Variants in PZP observed in about 807,000 individuals in gnomAD.
The protein encoded by PZP is PZP alpha-2-macroglobulin like.
In PZP, 150 loss-of-function variants were observed where a neutral mutation model predicts 179.8. That is an observed-to-expected ratio of 0.83 (90% CI 0.73 to 0.96). PZP has a LOEUF of 0.96. PZP is among the 40% of genes least tolerant of loss of function. The pLI is 0.00. For missense variants in PZP, 1,689 were observed against 1,764.0 expected (o/e 0.96, Z 0.76); for synonymous variants, 624 against 652.3 (o/e 0.96, Z 0.66).
At chr12:9,158,388 T>A in intron 26 of PZP, 32 bp downstream of exon 26, 1 of 1,612,088 alleles carries the variant, frequency 6.2e-7, no homozygotes, top group South Asian at 1.1e-5. Flanking sequence ...TGTTGATGTG[T>A]GTCAGGCTCA....
At chr12:9,176,288 G>A (rs143738118) in intron 15 of PZP, among the ~76,000 whole-genome samples, 123 of 152,162 alleles carry the variant, frequency 8.1e-4, no homozygotes, top group Middle Eastern at 6.8e-3. Context: ...CACTCACTCC[G>A]GCCTATTAGA....
chr12:9,191,990 T>C (rs1428668489), intron 13 of PZP, among the ~76,000 whole-genome samples: 1 of 152,150 alleles, frequency 6.6e-6, no homozygotes, highest in Non-Finnish European at 1.5e-5. Flanking sequence ...CTTAGCAGAG[T>C]GACTGATACA....
chr12:9,157,964 TC>T (rs1168906023), intron 26 of PZP, 123 bp from the exon 27 acceptor site: 5 of 848,806 alleles, frequency 5.9e-6, no homozygotes, highest in Admixed American at 2.1e-5. Context: ...TCCTTCTCTC[TC>T]TCTCTCTCGA....
intron 15 of PZP, among the ~76,000 whole-genome samples, chr12:9,173,707 T>G (rs1426235080): frequency 2.0e-5 from 3 of 152,050 alleles, no homozygotes; most frequent in Non-Finnish European, 4.4e-5. Context: ...CACCTCTGTC[T>G]ATATAAGCTA....
At chr12:9,157,468 A>T (rs1940847799) in intron 27 of PZP, 113 bp from the exon 28 acceptor site, 1 of 977,486 alleles carries the variant, frequency 1.0e-6, no homozygotes, top group African/African-American at 1.6e-5. Flanking sequence ...AGATAGGCAG[A>T]CAGCTAGATA....
Position 9,152,254 on chromosome 12 carries a change from G to T in PZP, c.4178C>A (p.Ser1393Tyr). 6.2e-7 allele frequency: 1 copy of T among 1,612,932 alleles called. No individual in the cohort carries two copies. ...TGTTGGTTTCAGGGGAATAAAACCA[G>T]ATACCATCTTTACATCAACAATCAC... ...NMVIVDVKMV[S>Y]GFIPLKPTVK... The change falls in exon 32 of 36, where the codon TCT (serine) becomes TAT (tyrosine). Residue 1393 changes from serine to tyrosine, a missense_variant. Physicochemically the swap from Ser to Tyr is moderately radical, Grantham distance 144 (BLOSUM62 -2). Around this residue, in one of 3 missense-constraint regions of PZP, gnomAD observed 746 missense variants for 749.2 expected, o/e 1.00. Transcript: ENST00000261336.
In PZP at chr12:9,202,775, A is replaced by G. The variant is rs1944240528; in HGVS notation, c.268-91T>C. 4.9e-6 allele frequency: 6 copies of G among 1,234,334 alleles called. No homozygotes were observed. The African/African-American group carries it at 9.1e-5, about 19-fold the overall frequency. 76.5% of individuals were successfully genotyped at this position (1,234,334 alleles called of 1,614,324 possible). A position where few individuals can be genotyped will look rare whatever the true frequency, so the allele number is the denominator to read the frequency against. ...CATTGCTATTTCCTATCTCTCCTTC[A>G]GCTTCACCAAGGAGAAGGAAGGTGT... is the stretch of plus-strand genomic sequence containing the variant. On this transcript the variant is annotated intron_variant, in intron 2 of 35. Coordinates refer to ENST00000261336, the MANE Select transcript of PZP (RefSeq NM_002864.3).
downstream of PZP, among the ~76,000 whole-genome samples, chr12:9,147,100 G>A (rs1940049929): frequency 6.6e-6 from 1 of 152,086 alleles, no homozygotes; most frequent in Admixed American, 6.5e-5. Flanking sequence ...CAGTTGTTTG[G>A]GTATCTACAG....
At chr12:9,140,270 G>A in the PZP span, among the ~76,000 whole-genome samples, 1 of 152,180 alleles carries the variant, frequency 6.6e-6, no homozygotes, top group Non-Finnish European at 1.5e-5. Context: ...TAGTAGGGGG[G>A]GGCCCAGGAA....
intron 5 of PZP, 130 bp downstream of exon 5, chr12:9,201,197 T>A (rs1565668548): frequency 2.2e-6 from 3 of 1,356,214 alleles, no homozygotes; most frequent in East Asian, 2.3e-5. Flanking sequence ...ACAATCAACC[T>A]GACAACTGGG....
At chr12:9,150,344 G>A (rs10842970) in intron 34 of PZP, among the ~76,000 whole-genome samples, 38,513 of 152,002 alleles carry the variant, frequency 0.25, 5,590 homozygotes, top group Admixed American at 0.33. Context: ...GTGCAATGGC[G>A]TGATCTCAGC....
rs759840184 is a variant in PZP, at chr12:9,203,866, C to T, written c.169G>A (p.Val57Met). Residue 57 changes from valine (V) to methionine (M), a missense_variant, in exon 2 of 36, where the codon GTG becomes ATG. Physicochemically the swap from Val to Met is conservative, Grantham distance 21. This residue lies in a region of PZP where 742 missense variants were observed against 730.5 expected (regional missense o/e 1.02). Transcript: ENST00000261336. ...CVLLSHLNET[V>M]TVSASLESGR... ...GACTCCAAGGAAGCACTTACAGTCACTGTCTCATTCAGGTGGCTCAGAAGG... is the reference window on the plus strand; with the variant it reads ...GACTCCAAGGAAGCACTTACAGTCATTGTCTCATTCAGGTGGCTCAGAAGG... The T allele has an allele frequency of 1.2e-6, 2 of 1,614,144 alleles. No individual in the cohort carries two copies. The highest frequency in any genetic ancestry group is 1.7e-6 in the Non-Finnish European group (2 of 1,180,016).
Position 9,166,708 on chromosome 12 carries a change from G to A in PZP, c.2108-506C>T, listed in dbSNP as rs1941610294. On this transcript the variant is annotated intron_variant, in intron 17 of 35. Coordinates refer to ENST00000261336, the MANE Select transcript of PZP (RefSeq NM_002864.3). ...ACTTTGCAAAACTGTTGTTCTCTGG[G>A]AAATAAGATTAGAGCATTAGATTTT... 2.6e-5 allele frequency among the ~76,000 whole-genome samples: 4 copies of A among 152,162 alleles called. No homozygotes were observed. In the South Asian group the frequency reaches 8.3e-4, roughly 32 times the overall value.
Position 9,152,277 on chromosome 12 carries a change from C to A in PZP, c.4155G>T (p.Val1385=). The A allele has an allele frequency of 2.5e-6, 4 of 1,613,324 alleles. No homozygotes were observed. The highest frequency in any genetic ancestry group is 3.4e-6 in the Non-Finnish European group (4 of 1,179,358). ...YTGNRPASNM[V]IVDVKMVSGF... is the part of the protein sequence containing the mutation. ...CAGATACCATCTTTACATCAACAAT[C>A]ACCATATTGGAAGCAGGACGGTTTC... Residue 1385 remains valine, a synonymous_variant, in exon 32 of 36, where the codon GTG becomes GTT. Coordinates refer to ENST00000261336, the MANE Select transcript of PZP (RefSeq NM_002864.3).
chr12:9,165,742 C>A (rs1317621253), intron 18 of PZP, among the ~76,000 whole-genome samples: 1 of 152,180 alleles, frequency 6.6e-6, no homozygotes, highest in Non-Finnish European at 1.5e-5. Context: ...TGTTTATGTG[C>A]CTGCTCCAGC....
In PZP at chr12:9,197,040, T is replaced by G. The variant is rs756387804; in HGVS notation, c.839A>C (p.Gln280Pro). 6.2e-7 allele frequency: 1 copy of G among 1,613,486 alleles called. No homozygotes were observed. The highest frequency in any genetic ancestry group is 8.5e-7 in the Non-Finnish European group (1 of 1,179,552). Reference sequence around the variant, plus strand: ...TTGACTGAATTCCTCACAGACCTCCTGCTTGTCACAATTAAGAACACGAGA... The same window carrying G: ...TTGACTGAATTCCTCACAGACCTCCGGCTTGTCACAATTAAGAACACGAGA... ...KLSRVLNCDK[Q>P]EVCEEFSQQL... is the part of the protein sequence containing the mutation. The change falls in exon 8 of 36, where the codon CAG (glutamine) becomes CCG (proline). Residue 280 changes from glutamine (Q) to proline (P), a missense_variant. Gln to Pro is a moderately conservative substitution (Grantham distance 76). Coordinates refer to ENST00000261336, the MANE Select transcript of PZP (RefSeq NM_002864.3).
chr12:9,147,371 C>A (rs1940064067), downstream of PZP, among the ~76,000 whole-genome samples: 1 of 152,176 alleles, frequency 6.6e-6, no homozygotes, highest in African/African-American at 2.4e-5. Flanking sequence ...CCCCTTCTCT[C>A]CCCTAAGAGA....
intron 14 of PZP, 149 bp downstream of exon 14, chr12:9,181,826 C>A: frequency 1.4e-6 from 1 of 716,634 alleles, no homozygotes. Flanking sequence ...TGTACTAGAT[C>A]CCTAGAAATT....
intron 10 of PZP, among the ~76,000 whole-genome samples, chr12:9,195,679 C>G (rs1029879221): frequency 1.4e-5 from 2 of 142,046 alleles, no homozygotes; most frequent in African/African-American, 5.2e-5. Flanking sequence ...ATCTAGAACT[C>G]CTGGCCTCAG....
Sources: allele counts gnomAD v4.1 joint callset (sites outside exome capture counted in the v4.1 genomes callset), GRCh38; gene constraint gnomAD v4.1.1; regional missense constraint gnomAD v4.1.1; transcripts MANE v1.5; gene names NCBI Gene and HGNC (gene_info 2026-07-23, HGNC 2026-07-21).